Variants in DPP6 observed in about 807,000 individuals in gnomAD.
DPP6 encodes A-type potassium channel modulatory protein DPP6.
In DPP6, 69 loss-of-function variants were observed where a neutral mutation model predicts 122.6. The observed-to-expected ratio is 0.56, with a 90% CI of 0.46 to 0.69. The LOEUF (loss-of-function observed/expected upper bound fraction) is 0.69, where lower values mean the gene tolerates loss of function less well. Among genes scored for constraint, DPP6 ranks in the 30% least tolerant of loss-of-function variants. The pLI is 0.00. For synonymous variants in DPP6, 418 were observed against 433.1 expected (o/e 0.97, Z 0.43); for missense variants, 928 against 1,116.9 (o/e 0.83, Z 2.41).
At chr7:154,589,269 T>C (rs534116381) in intron 5 of DPP6, among the ~76,000 whole-genome samples, 1 of 152,270 alleles carries the variant, frequency 6.6e-6, no homozygotes, top group African/African-American at 2.4e-5. Flanking sequence ...TTGAAAAAAT[T>C]CAGGGATTGA....
At chr7:153,792,624 G>T in the DPP6 span, among the ~76,000 whole-genome samples, 1 of 150,904 alleles carries the variant, frequency 6.6e-6, no homozygotes, top group Non-Finnish European at 1.5e-5. Flanking sequence ...TGTTGAAATT[G>T]TTGAATTTTG....
chr7:154,167,656 G>A lies in DPP6; in HGVS notation c.243+114593G>A, dbSNP rs190543053. 2.6e-4 allele frequency among the ~76,000 whole-genome samples: 40 copies of A among 152,308 alleles called. No homozygotes were observed. The East Asian group carries it at 6.8e-3, about 26-fold the overall frequency. Reference sequence around the variant, plus strand: ...GTGACCTGCAGGGGGTTAGGTAGCTGTTTTCAGGGGGGCATTTTGAGCCCG... The same window carrying A: ...GTGACCTGCAGGGGGTTAGGTAGCTATTTTCAGGGGGGCATTTTGAGCCCG... On this transcript the variant is annotated intron_variant, in intron 1 of 25. Coordinates refer to ENST00000377770, the MANE Select transcript of DPP6 (RefSeq NM_130797.4).
At chr7:154,465,611 C>G (rs542092894) in intron 2 of DPP6, among the ~76,000 whole-genome samples, 1 of 152,250 alleles carries the variant, frequency 6.6e-6, no homozygotes, top group African/African-American at 2.4e-5. Flanking sequence ...AAAAAAAGTT[C>G]ATCATCACAG....
At chr7:154,201,635 A>G (rs1260787034) in intron 1 of DPP6, among the ~76,000 whole-genome samples, 1 of 152,184 alleles carries the variant, frequency 6.6e-6, no homozygotes, top group East Asian at 1.9e-4. Flanking sequence ...CGTGCAGTGA[A>G]TGAGTCATTT....
chr7:153,887,023 G>C (rs558760456), upstream of DPP6: 5 of 152,436 alleles, frequency 3.3e-5, no homozygotes, highest in South Asian at 2.1e-4. Context: ...TGTCTGGGGA[G>C]GGGCTGCCCT....
rs747494023 is a variant in DPP6, at chr7:154,885,647, C to T, written c.2148C>T (p.Tyr716=). The T allele has an allele frequency of 4.4e-6, 7 of 1,578,268 alleles. No homozygotes were observed. In the African/African-American group the frequency reaches 6.8e-5, roughly 15 times the overall value. Residue 716 remains tyrosine, a synonymous_variant, in exon 22 of 26, where the codon TAC becomes TAT. Coordinates refer to ENST00000377770, the MANE Select transcript of DPP6 (RefSeq NM_130797.4). ...VAVFGKDYGG[Y]LSTYILPAKG... is the part of the protein sequence containing the mutation. The stretch of plus-strand genomic sequence containing the variant: ...GCTTTCTCCAGGATTACGGTGGCTA[C>T]CTGAGCACCTACATCCTCCCAGCAA...
chr7:154,441,929 G>T (rs561045939), intron 1 of DPP6, among the ~76,000 whole-genome samples: 1 of 152,196 alleles, frequency 6.6e-6, no homozygotes, highest in African/African-American at 2.4e-5. Flanking sequence ...GTTTTAGTTC[G>T]TTGTTTGTTT....
the DPP6 span, among the ~76,000 whole-genome samples, chr7:153,817,247 G>A: frequency 6.7e-6 from 1 of 148,384 alleles, no homozygotes; most frequent in Non-Finnish European, 1.5e-5. Context: ...AGAAGAGTTG[G>A]TCACCAGGCA....
chr7:154,480,233 C>T (rs979112235), intron 3 of DPP6, among the ~76,000 whole-genome samples: 3 of 152,212 alleles, frequency 2.0e-5, no homozygotes, highest in Non-Finnish European at 4.4e-5. Flanking sequence ...AGTCCACATG[C>T]CCTGCCTGGC....
At chr7:154,742,630 C>G (rs147126306) in intron 8 of DPP6, among the ~76,000 whole-genome samples, 1 of 152,174 alleles carries the variant, frequency 6.6e-6, no homozygotes, top group African/African-American at 2.4e-5. Context: ...ATGGAGGAGA[C>G]GCAAAATAGC....
At position 154,052,665 on chromosome 7, in the gene DPP6, G is replaced by A. The variant is rs1462503148; in HGVS notation, c.-156G>A. 10 of 1,259,298 alleles carry A rather than the reference G, an allele frequency of 7.9e-6. No individual in the cohort carries two copies. The highest frequency in any genetic ancestry group is 6.4e-5 in the African/African-American group (4 of 62,328). The allele number at this position is 1,259,298 out of a possible 1,614,324, so 78.0% of individuals were successfully genotyped here. A position where few individuals can be genotyped will look rare whatever the true frequency, so the allele number is the denominator to read the frequency against. On this transcript the variant is annotated 5_prime_UTR_variant, in exon 1 of 26. Transcript: ENST00000377770. The surrounding 1 kb of genome is among the most constrained non-coding windows in gnomAD (Gnocchi z 4.8). ...CTCGCGAGTGGCGCGCGGGAGGAGC[G>A]GCCGCCGGCGCTGGGCTTGCCTTGC... is the stretch of plus-strand genomic sequence containing the variant.
At chr7:154,248,620 C>G (rs76057422) in intron 1 of DPP6, among the ~76,000 whole-genome samples, 5,953 of 152,272 alleles carry the variant, frequency 0.039, 192 homozygotes, top group East Asian at 0.13. Context: ...AATCCCAGCA[C>G]TTTGGGAGGC....
intron 1 of DPP6, among the ~76,000 whole-genome samples, chr7:154,211,570 C>T (rs926821252): frequency 6.6e-6 from 1 of 152,150 alleles, no homozygotes; most frequent in Non-Finnish European, 1.5e-5. Context: ...TGTTTGCTGA[C>T]CTTTTCACCA....
chr7:154,659,670 A>G (rs1837488953), intron 6 of DPP6, among the ~76,000 whole-genome samples: 2 of 152,202 alleles, frequency 1.3e-5, no homozygotes, highest in African/African-American at 2.4e-5. Context: ...AATTAAATTT[A>G]CACCTTCTTG....
At chr7:154,575,621 G>T (rs1287183035) in intron 5 of DPP6, among the ~76,000 whole-genome samples, 1 of 132,826 alleles carries the variant, frequency 7.5e-6, no homozygotes, top group African/African-American at 2.9e-5. Flanking sequence ...ATGTGTGTGT[G>T]GTGTGTGTGT....
chr7:154,286,884 C>A (rs1479580959), intron 1 of DPP6, among the ~76,000 whole-genome samples: 1 of 151,652 alleles, frequency 6.6e-6, no homozygotes, highest in Admixed American at 6.6e-5. Context: ...TGGCTCATTG[C>A]GACCTCCACC....
chr7:153,918,043 A>G (rs1224001039), intron 1 of DPP6, among the ~76,000 whole-genome samples: 4 of 152,222 alleles, frequency 2.6e-5, no homozygotes, highest in African/African-American at 9.6e-5. Flanking sequence ...TTAGTTTTAA[A>G]CAAATAAGAA....
chr7:154,570,532 C>T (rs372660723), intron 5 of DPP6, among the ~76,000 whole-genome samples: 2 of 152,050 alleles, frequency 1.3e-5, no homozygotes, highest in African/African-American at 2.4e-5. Context: ...AACCCCTTAG[C>T]GCTATACCAA....
chr7:154,634,013 T>C (rs905385497), intron 5 of DPP6, among the ~76,000 whole-genome samples: 14 of 142,300 alleles, frequency 9.8e-5, no homozygotes, highest in South Asian at 8.8e-4. Context: ...TTTTTTTTCT[T>C]TTTTTTTTTT....
Sources: allele counts gnomAD v4.1 joint callset (sites outside exome capture counted in the v4.1 genomes callset), GRCh38; gene constraint gnomAD v4.1.1; non-coding constraint Gnocchi (gnomAD v3.1); transcripts MANE v1.5; gene names NCBI Gene and HGNC (gene_info 2026-07-23, HGNC 2026-07-21).